SH3TC2: variants seen among roughly 807,000 people sequenced by gnomAD.
SH3TC2 encodes the protein SH3 domain and tetratricopeptide repeat-containing protein 2.
Under a neutral mutation model 124.5 loss-of-function variants are expected in SH3TC2, and 87 were observed. The ratio of observed to expected loss-of-function variants is 0.70; its 90% CI spans 0.59 to 0.84. SH3TC2 has a LOEUF of 0.84. Ranked by LOEUF, SH3TC2 falls within the 40% of genes least tolerant of loss-of-function variation. SH3TC2 has a pLI of 0.00. For synonymous variants in SH3TC2, 634 were observed against 628.5 expected, an observed-to-expected ratio of 1.01 and a Z score of -0.13; for missense variants, 1,536 against 1,566.4, an observed-to-expected ratio of 0.98 and a Z score of 0.33.
At chr5:149,058,458 T>C (rs1322095790) in intron 1 of SH3TC2, among the ~76,000 whole-genome samples, 1 of 152,216 alleles carries the variant, frequency 6.6e-6, no homozygotes, top group Non-Finnish European at 1.5e-5. Flanking sequence ...TTAATCACTT[T>C]TTCACATGCT....
intron 8 of SH3TC2, chr5:149,035,592 T>A (rs1331548263): frequency 6.6e-6 from 1 of 152,498 alleles, no homozygotes; most frequent in Non-Finnish European, 1.5e-5. Flanking sequence ...AGCTCTGATA[T>A]CTGGAGAGTG....
rs1754570034 is a variant in SH3TC2, at chr5:149,052,199, A to G, written c.94T>C (p.Cys32Arg). The change falls in exon 2 of 17, where the codon TGT becomes CGT. Residue 32 changes from cysteine (C) to arginine (R), a missense_variant. By Grantham distance (180) the Cys-to-Arg change is radical. Around this residue, in one of 3 missense-constraint regions of SH3TC2, gnomAD observed 1,102 missense variants for 1,098.6 expected, o/e 1.00. Transcript: ENST00000515425. ...TCCTTGTATTCAGATGAGGCTATAC[A>G]CTCACTCGATACAGTTGGATCCTTG... ...PSKDPTVSSECIASSEYKEKC... is the reference protein window; with the variant it reads ...PSKDPTVSSERIASSEYKEKC... The G allele has an allele frequency of 6.2e-7, 1 of 1,613,586 alleles. No individual in the cohort carries two copies. The highest frequency in any genetic ancestry group is 1.3e-5 in the African/African-American group (1 of 74,910).
chr5:149,049,530 G>T (rs1040218065), intron 2 of SH3TC2, among the ~76,000 whole-genome samples: 2 of 152,168 alleles, frequency 1.3e-5, no homozygotes, highest in Admixed American at 6.5e-5. Context: ...GGTTTGGGAG[G>T]TCAAGGGAGG....
At chr5:149,030,174 G>C (rs1342428794) in intron 9 of SH3TC2, among the ~76,000 whole-genome samples, 1 of 152,226 alleles carries the variant, frequency 6.6e-6, no homozygotes, top group Non-Finnish European at 1.5e-5. Context: ...TTCTGGCCAA[G>C]AGTATGAGTG....
At chr5:149,035,562 T>TCTGTTG (rs1406710301) in intron 8 of SH3TC2, 1 of 152,558 alleles carries the variant, frequency 6.6e-6, no homozygotes, top group Non-Finnish European at 1.5e-5. Flanking sequence ...AACCCATCCC[T>TCTGTTG]CTGTTGCTGT....
chr5:149,017,816 A>C (rs920912141), intron 12 of SH3TC2, among the ~76,000 whole-genome samples: 4 of 152,250 alleles, frequency 2.6e-5, no homozygotes, highest in African/African-American at 9.6e-5. Flanking sequence ...CAGAATACAT[A>C]GAGTGCTTAA....
rs1753448595 is a variant in SH3TC2 at position 148,993,130 on chromosome 5, T to G, written c.*11581A>C. Among the ~76,000 whole-genome samples, 1 of 152,202 alleles carries G rather than the reference T, an allele frequency of 6.6e-6. No homozygotes were observed. Among genetic ancestry groups the G allele is most frequent in the African/African-American group, 2.4e-5 (1 of 41,452 alleles). On this transcript the variant is annotated 3_prime_UTR_variant, in exon 17 of 17. Coordinates refer to ENST00000515425, the MANE Select transcript of SH3TC2 (RefSeq NM_024577.4). ...GGCATTTGTCCCTCACCGTTTCGAT[T>G]GAAATAATCAGTTCAAAATAAAACT...
chr5:149,003,848 TCAAAAA>T lies in SH3TC2; in HGVS notation c.*857_*862del, dbSNP rs1561755594. On this transcript the variant is annotated 3_prime_UTR_variant, in exon 17 of 17. Coordinates refer to ENST00000515425, the MANE Select transcript of SH3TC2 (RefSeq NM_024577.4). ...CCTGGGCAACAGAGGAGAAACTGTC[TCAAAAA>T]AAAAAAAAAAAAAAAAAGACATGTA... is the stretch of plus-strand genomic sequence containing the variant. 3.0e-5 allele frequency: 4 copies of T among 133,580 alleles called. No individual in the cohort carries two copies. The highest frequency in any genetic ancestry group is 1.2e-4 in the Admixed American group (1 of 8,214). 8.3% of individuals were successfully genotyped at this position (133,580 alleles called of 1,614,324 possible). A position where few individuals can be genotyped will look rare whatever the true frequency, so the allele number is the denominator to read the frequency against.
At chr5:149,008,789 G>T in intron 15 of SH3TC2, 62 bp downstream of exon 15, 1 of 1,608,344 alleles carries the variant, frequency 6.2e-7, no homozygotes. Context: ...TTATTGCTTT[G>T]CTGTCTATCC....
At position 149,047,914 on chromosome 5, in the gene SH3TC2, C is replaced by G. The variant is rs1754493155; in HGVS notation, c.227G>C (p.Arg76Thr). Residue 76 changes from arginine (R) to threonine (T), a missense_variant, in exon 3 of 17, where the codon AGG (arginine) becomes ACG (threonine). Arg to Thr is a moderately conservative substitution (Grantham distance 71, BLOSUM62 -1). Around this residue, in one of 3 missense-constraint regions of SH3TC2, gnomAD observed 1,102 missense variants for 1,098.6 expected, o/e 1.00. Transcript: ENST00000515425. ...CTCATTCTCCAGTGCCCAGAGCCGCCTCCGAGCAGCTTCCTGTAGGGGTCC... is the reference window on the plus strand; with the variant it reads ...CTCATTCTCCAGTGCCCAGAGCCGCGTCCGAGCAGCTTCCTGTAGGGGTCC... The part of the protein sequence containing the change: ...VNGPLQEAAR[R>T]RLWALENEDQ... 1 of 1,614,208 alleles carries G rather than the reference C, an allele frequency of 6.2e-7. No homozygotes were observed. Among genetic ancestry groups the G allele is most frequent in the Non-Finnish European group, 8.5e-7 (1 of 1,180,032 alleles).
In SH3TC2 at chr5:148,997,185, C is replaced by T. The variant is rs191597492; in HGVS notation, c.*7526G>A. ...CCTTCTGCTACCACCATTGGAGCTACGGGTACTATGATGGGTGAGACCCAC... is the reference window on the plus strand; with the variant it reads ...CCTTCTGCTACCACCATTGGAGCTATGGGTACTATGATGGGTGAGACCCAC... On this transcript the variant is annotated 3_prime_UTR_variant, in exon 17 of 17. Transcript: ENST00000515425. Among the ~76,000 whole-genome samples, 8 of 152,298 alleles carry T rather than the reference C, an allele frequency of 5.3e-5. No individual in the cohort carries two copies. Among genetic ancestry groups the T allele is most frequent in the African/African-American group, 1.7e-4 (7 of 41,564 alleles).
Position 148,998,664 on chromosome 5 carries a change from A to T in SH3TC2, c.*6047T>A, listed in dbSNP as rs139490756. On this transcript the variant is annotated 3_prime_UTR_variant, in exon 17 of 17. Coordinates refer to ENST00000515425, the MANE Select transcript of SH3TC2 (RefSeq NM_024577.4). The stretch of plus-strand genomic sequence containing the variant: ...CCCACTGTGCAGTCCTGGCCACGCA[A>T]GTTATTCTTGATCCTGCACCATGGC... Among the ~76,000 whole-genome samples, 453 of 152,292 alleles carry T rather than the reference A, an allele frequency of 3.0e-3. 2 individuals are homozygous for T. Among genetic ancestry groups the T allele is most frequent in the African/African-American group, 0.01 (434 of 41,576 alleles).
chr5:149,038,903 G>A (rs1754326339), intron 7 of SH3TC2, among the ~76,000 whole-genome samples: 1 of 152,226 alleles, frequency 6.6e-6, no homozygotes, highest in Admixed American at 6.5e-5. Context: ...CAGTGTGTGA[G>A]AACCACTCGA....
At chr5:149,022,763 A>G (rs1336350167) in intron 12 of SH3TC2, among the ~76,000 whole-genome samples, 1 of 152,226 alleles carries the variant, frequency 6.6e-6, no homozygotes, top group Non-Finnish European at 1.5e-5. Context: ...TGAAAACACT[A>G]TGCTAAGTGA....
chr5:149,010,644 A>G (rs185079360), intron 13 of SH3TC2, among the ~76,000 whole-genome samples: 14 of 152,006 alleles, frequency 9.2e-5, no homozygotes, highest in Non-Finnish European at 1.0e-4. Context: ...ATAGAAAAAC[A>G]TTTTGTTTTA....
intron 6 of SH3TC2, 129 bp from the exon 7 acceptor site, chr5:149,040,806 G>T (rs1580909467): frequency 1.2e-6 from 1 of 831,424 alleles, no homozygotes; most frequent in Non-Finnish European, 2.0e-6. Flanking sequence ...GATGGCAAAA[G>T]TTTATTGAGA....
chr5:148,994,428 A>G lies in SH3TC2; in HGVS notation c.*10283T>C, dbSNP rs996566942. On this transcript the variant is annotated 3_prime_UTR_variant, in exon 17 of 17. Coordinates refer to ENST00000515425, the MANE Select transcript of SH3TC2 (RefSeq NM_024577.4). ...AAATCTAAGCTGTGATGGTAAGAAT[A>G]ATAGGTAAGTTTATCAGAGGACTCT... 7.2e-5 allele frequency among the ~76,000 whole-genome samples: 11 copies of G among 152,388 alleles called. No homozygotes were observed. Among genetic ancestry groups the G allele is most frequent in the Non-Finnish European group, 1.5e-4 (10 of 68,038 alleles).
intron 12 of SH3TC2, among the ~76,000 whole-genome samples, chr5:149,021,292 G>A (rs1753964457): frequency 1.3e-5 from 2 of 152,070 alleles, no homozygotes; most frequent in African/African-American, 4.8e-5. Context: ...ACAATACTCA[G>A]AGGAACATTT....
rs549589203 is a variant in SH3TC2 at position 148,995,443 on chromosome 5, A to T, written c.*9268T>A. Among the ~76,000 whole-genome samples, 23 of 152,348 alleles carry T rather than the reference A, an allele frequency of 1.5e-4. No individual in the cohort carries two copies. The highest frequency in any genetic ancestry group is 5.3e-4 in the African/African-American group (22 of 41,594). ...TAAAAGACCATGATTATCCCTGGTC[A>T]AACTACTATCTGTTTGAAAATTAAG... is the stretch of plus-strand genomic sequence containing the variant. On this transcript the variant is annotated 3_prime_UTR_variant, in exon 17 of 17. Coordinates refer to ENST00000515425, the MANE Select transcript of SH3TC2 (RefSeq NM_024577.4).
Sources: allele counts gnomAD v4.1 joint callset (sites outside exome capture counted in the v4.1 genomes callset), GRCh38; gene constraint gnomAD v4.1.1; regional missense constraint gnomAD v4.1.1; transcripts MANE v1.5; gene names NCBI Gene and HGNC (gene_info 2026-07-23, HGNC 2026-07-21).